Variants in CALN1 observed in about 807,000 individuals in gnomAD.
The protein encoded by CALN1 is calcium-binding protein 8.
Under a neutral mutation model 30.6 loss-of-function variants are expected in CALN1, and 17 were observed. The observed-to-expected ratio is 0.56, with a 90% confidence interval of 0.38 to 0.83. CALN1 has a LOEUF of 0.83. Among genes scored for constraint, CALN1 ranks in the 40% least tolerant of loss-of-function variants. The probability of loss-of-function intolerance (pLI) is 0.00; values close to 1 mark genes in which losing one functional copy is unlikely to be tolerated. For missense variants in CALN1, 291 were observed against 354.9 expected (o/e 0.82, Z 1.45); for synonymous variants, 156 against 131.4 (o/e 1.19, Z -1.28).
At chr7:72,061,372 A>G (rs1444811894) in intron 4 of CALN1, among the ~76,000 whole-genome samples, 2 of 152,206 alleles carry the variant, frequency 1.3e-5, no homozygotes, top group Non-Finnish European at 2.9e-5. Flanking sequence ...TCTTATTTAT[A>G]TCACTTATTT....
intron 3 of CALN1, among the ~76,000 whole-genome samples, chr7:72,222,780 G>A (rs1193293135): frequency 6.6e-6 from 1 of 152,154 alleles, no homozygotes; most frequent in African/African-American, 2.4e-5. Flanking sequence ...CAGTGCTTTA[G>A]GAGACCAAAG....
chr7:72,486,903 A>G, the CALN1 span, among the ~76,000 whole-genome samples: 1 of 152,228 alleles, frequency 6.6e-6, no homozygotes, highest in Non-Finnish European at 1.5e-5. Flanking sequence ...TTATATAGTT[A>G]TAGAATGCAA....
At position 71,941,869 on chromosome 7, in the gene CALN1, G is replaced by A. The variant is rs112689910; in HGVS notation, c.501+81788C>T. On this transcript the variant is annotated intron_variant, in intron 5 of 6. Coordinates refer to ENST00000395275, the MANE Select transcript of CALN1 (RefSeq NM_031468.4). Reference sequence around the variant, plus strand: ...TTAGAATGTTTGGGGATTAGGGATTGGGAGACATTCTGACTGCCCCTCATT... The same window carrying A: ...TTAGAATGTTTGGGGATTAGGGATTAGGAGACATTCTGACTGCCCCTCATT... Among the ~76,000 whole-genome samples the A allele has an allele frequency of 4.7e-3, 709 of 152,230 alleles. 4 individuals carry two copies. Among genetic ancestry groups the A allele is most frequent in the African/African-American group, 0.017 (687 of 41,554 alleles).
At chr7:72,244,250 GA>G (rs1357180716) in intron 3 of CALN1, among the ~76,000 whole-genome samples, 38 of 152,142 alleles carry the variant, frequency 2.5e-4, no homozygotes, top group Non-Finnish European at 4.6e-4. Context: ...AGATGTTCAG[GA>G]AACCTTTACT....
chr7:72,034,641 A>G (rs1439530483), intron 4 of CALN1, among the ~76,000 whole-genome samples: 1 of 151,848 alleles, frequency 6.6e-6, no homozygotes, highest in African/African-American at 2.4e-5. Flanking sequence ...CACAAAAATT[A>G]GCCAGGCATG....
Position 72,226,650 on chromosome 7 carries a change from G to T in CALN1, c.244+52036C>A, listed in dbSNP as rs7780288. On this transcript the variant is annotated intron_variant, in intron 3 of 6. Coordinates refer to ENST00000395275, the MANE Select transcript of CALN1 (RefSeq NM_031468.4). ...TCCTACACTGTAGAGATAAGAAAGA[G>T]GGCTGACATTATCCTAGGCAAACTG... Among the ~76,000 whole-genome samples, 731 of 151,582 alleles carry T rather than the reference G, an allele frequency of 4.8e-3. 4 individuals are homozygous for T. Among genetic ancestry groups the T allele is most frequent in the African/African-American group, 0.016 (655 of 40,922 alleles).
In CALN1 at chr7:72,319,775, G is replaced by C. The variant is rs374489144; in HGVS notation, c.120-40965C>G. Among the ~76,000 whole-genome samples, 4 of 152,164 alleles carry C rather than the reference G, an allele frequency of 2.6e-5. No homozygotes were observed. The South Asian group carries it at 6.2e-4, about 24-fold the overall frequency. The stretch of plus-strand genomic sequence containing the variant: ...GGTGAGATGTCCACTGAAGGCAAGG[G>C]GGGTGGGCCTTGGGAGCTAAATAAT... On this transcript the variant is annotated intron_variant, in intron 2 of 6. Coordinates refer to ENST00000395275, the MANE Select transcript of CALN1 (RefSeq NM_031468.4).
rs758417944 is a variant in CALN1, at chr7:72,094,612, T to C, written c.388+11539A>G. Among the ~76,000 whole-genome samples, 16 of 152,270 alleles carry C rather than the reference T, an allele frequency of 1.1e-4. No homozygotes were observed. The South Asian group carries it at 1.2e-3, about 12-fold the overall frequency. ...CTAGAAGGGACTCAAATAGTCTAGT[T>C]AGTCATTGGCTGAAACTTGAATTCA... On this transcript the variant is annotated intron_variant, in intron 4 of 6. Coordinates refer to ENST00000395275, the MANE Select transcript of CALN1 (RefSeq NM_031468.4).
At chr7:71,974,236 GGC>G (rs1449299911) in intron 5 of CALN1, among the ~76,000 whole-genome samples, 2 of 151,870 alleles carry the variant, frequency 1.3e-5, no homozygotes, top group Non-Finnish European at 2.9e-5. Context: ...TGGCCAACAT[GGC>G]AAAACCCTGT....
At chr7:72,153,041 C>T (rs545757284) in intron 3 of CALN1, among the ~76,000 whole-genome samples, 1 of 152,282 alleles carries the variant, frequency 6.6e-6, no homozygotes, top group East Asian at 1.9e-4. Context: ...CCTCAGTGTT[C>T]ACACTGGGCT....
At chr7:72,295,338 A>T (rs1480553900) in intron 2 of CALN1, among the ~76,000 whole-genome samples, 5 of 152,170 alleles carry the variant, frequency 3.3e-5, no homozygotes, top group African/African-American at 1.2e-4. Context: ...TTTTTAAATC[A>T]CAGAGTGTAG....
At chr7:72,055,300 C>A (rs1202922613) in intron 4 of CALN1, among the ~76,000 whole-genome samples, 2 of 152,012 alleles carry the variant, frequency 1.3e-5, no homozygotes, top group African/African-American at 4.8e-5. Flanking sequence ...ATCATTTTAA[C>A]CAAGCTGGTA....
At chr7:72,158,897 G>A (rs1787907311) in intron 3 of CALN1, among the ~76,000 whole-genome samples, 1 of 151,942 alleles carries the variant, frequency 6.6e-6, no homozygotes, top group Non-Finnish European at 1.5e-5. Context: ...TCGCTCTGTC[G>A]CCCAGATCCG....
At chr7:72,176,454 G>A (rs1789365114) in intron 3 of CALN1, among the ~76,000 whole-genome samples, 1 of 152,082 alleles carries the variant, frequency 6.6e-6, no homozygotes, top group South Asian at 2.1e-4. Context: ...CATGGGGGCG[G>A]ATCCCTCATG....
At chr7:72,499,763 A>AACTT in the CALN1 span, among the ~76,000 whole-genome samples, 1 of 145,978 alleles carries the variant, frequency 6.9e-6, no homozygotes, top group Non-Finnish European at 1.5e-5. Flanking sequence ...ACTTCCGCAA[A>AACTT]ACTTTCTTTC....
intron 3 of CALN1, among the ~76,000 whole-genome samples, chr7:72,253,330 CA>C (rs1795691730): frequency 6.6e-6 from 1 of 152,192 alleles, no homozygotes; most frequent in African/African-American, 2.4e-5. Context: ...TTCATCCTTA[CA>C]ACTTTCTTCT....
chr7:71,804,884 C>G (rs1420273631), intron 6 of CALN1, among the ~76,000 whole-genome samples: 1 of 152,192 alleles, frequency 6.6e-6, no homozygotes, highest in Non-Finnish European at 1.5e-5. Flanking sequence ...ATTGCTTTAA[C>G]CCAGGTGGCA....
chr7:71,886,926 T>C (rs937185936), intron 5 of CALN1, among the ~76,000 whole-genome samples: 22 of 152,192 alleles, frequency 1.4e-4, no homozygotes, highest in Middle Eastern at 3.4e-3. Context: ...AATGGGGGCA[T>C]AGCAAAATAG....
chr7:71,997,779 T>C (rs1302518619), intron 5 of CALN1, among the ~76,000 whole-genome samples: 6 of 152,106 alleles, frequency 3.9e-5, no homozygotes, highest in Non-Finnish European at 7.4e-5. Context: ...ATTCTTCAAG[T>C]TGTGAAAAAT....
Sources: gnomAD v4.1 joint callset for allele counts (sites outside exome capture counted in the v4.1 genomes callset) on GRCh38, gnomAD v4.1.1 for gene constraint, MANE v1.5 for transcripts, NCBI Gene and HGNC (gene_info 2026-07-23, HGNC 2026-07-21) for gene names.